NDST3: variants seen among roughly 807,000 people sequenced by gnomAD.
NDST3 encodes the protein bifunctional heparan sulfate N-deacetylase/N-sulfotransferase 3.
Under a neutral mutation model 96.1 loss-of-function variants are expected in NDST3, and 58 were observed. The ratio of observed to expected loss-of-function variants is 0.60; its 90% CI spans 0.49 to 0.75. The LOEUF (loss-of-function observed/expected upper bound fraction) is 0.75, where lower values mean the gene tolerates loss of function less well. NDST3 is among the 30% of genes least tolerant of loss of function. NDST3 has a pLI of 0.00. For missense variants in NDST3, 788 were observed against 1,034.2 expected (o/e 0.76, Z 3.27); for synonymous variants, 333 against 359.7 (o/e 0.93, Z 0.84).
At chr4:118,080,199 G>A (rs1163666898) in intron 2 of NDST3, among the ~76,000 whole-genome samples, 3 of 152,014 alleles carry the variant, frequency 2.0e-5, no homozygotes, top group Non-Finnish European at 4.4e-5. Flanking sequence ...TATTATTAAC[G>A]GGATGGGGAG....
chr4:118,061,070 G>C (rs1725855101), intron 2 of NDST3, among the ~76,000 whole-genome samples: 1 of 152,038 alleles, frequency 6.6e-6, no homozygotes, highest in South Asian at 2.1e-4. Flanking sequence ...TTTTGATCAT[G>C]ACCCCCCTCT....
chr4:118,201,276 T>C (rs1383530797), intron 6 of NDST3, among the ~76,000 whole-genome samples: 2 of 152,232 alleles, frequency 1.3e-5, no homozygotes, highest in Non-Finnish European at 2.9e-5. Context: ...GGTAGAATGA[T>C]TTATTTTCTT....
intron 6 of NDST3, among the ~76,000 whole-genome samples, chr4:118,153,324 C>T (rs946004189): frequency 6.6e-6 from 1 of 152,060 alleles, no homozygotes; most frequent in Non-Finnish European, 1.5e-5. Context: ...TTTGTTTACT[C>T]TAAACCTCAA....
intron 2 of NDST3, among the ~76,000 whole-genome samples, chr4:118,071,826 T>C (rs1210532782): frequency 6.6e-6 from 1 of 152,134 alleles, no homozygotes; most frequent in Non-Finnish European, 1.5e-5. Context: ...ATTTGAGAAA[T>C]TGCCAAACTG....
chr4:118,108,981 T>C (rs1456332512), intron 3 of NDST3, among the ~76,000 whole-genome samples: 1 of 152,248 alleles, frequency 6.6e-6, no homozygotes, highest in Non-Finnish European at 1.5e-5. Flanking sequence ...CATAATTAGA[T>C]ATCTATTTTA....
At chr4:118,226,427 A>G (rs1739884855) in intron 7 of NDST3, among the ~76,000 whole-genome samples, 1 of 152,202 alleles carries the variant, frequency 6.6e-6, no homozygotes, top group Non-Finnish European at 1.5e-5. Flanking sequence ...CTCTTTAGAT[A>G]GTAGTATTTT....
intron 6 of NDST3, among the ~76,000 whole-genome samples, chr4:118,158,422 A>C (rs1308194253): frequency 1.3e-5 from 2 of 152,164 alleles, no homozygotes; most frequent in African/African-American, 2.4e-5. Context: ...TTTTAGCATG[A>C]AAAAAATGGA....
At chr4:118,077,136 T>C (rs568974122) in intron 2 of NDST3, among the ~76,000 whole-genome samples, 1 of 152,320 alleles carries the variant, frequency 6.6e-6, no homozygotes, top group South Asian at 2.1e-4. Flanking sequence ...ATCTGGCCTC[T>C]TGAGGTAAGG....
intron 3 of NDST3, among the ~76,000 whole-genome samples, chr4:118,112,121 A>G (rs758659040): frequency 6.6e-6 from 1 of 151,622 alleles, no homozygotes; most frequent in African/African-American, 2.4e-5. Context: ...AACTGAGATA[A>G]ATATGTCAGA....
At chr4:118,206,996 CAT>C (rs147498086) in intron 6 of NDST3, among the ~76,000 whole-genome samples, 2 of 141,630 alleles carry the variant, frequency 1.4e-5, no homozygotes, top group Non-Finnish European at 1.6e-5. Flanking sequence ...AGAATTACAG[CAT>C]ATATATATAT....
rs1166890726 is a variant in NDST3 at position 118,257,702 on chromosome 4, C to CAT, written c.*1993_*1994dup. 3 of 152,064 alleles carry CAT rather than the reference C, an allele frequency of 2.0e-5. No individual in the cohort carries two copies. In the East Asian group the frequency reaches 5.8e-4, roughly 29 times the overall value. 9.4% of individuals were successfully genotyped at this position (152,064 alleles called of 1,614,324 possible). ...TTTTTAAAGTTTCATGTACCTAAAG[C>CAT]ATATGCTAATTTTTAAATATACTAT... is the stretch of plus-strand genomic sequence containing the variant. On this transcript the variant is annotated 3_prime_UTR_variant, in exon 14 of 14. Transcript: ENST00000296499.
chr4:118,250,448 C>T (rs944394641), intron 12 of NDST3, among the ~76,000 whole-genome samples: 4 of 151,480 alleles, frequency 2.6e-5, no homozygotes, highest in Non-Finnish European at 5.9e-5. Context: ...TGTTCATTGA[C>T]CATTCATATG....
At chr4:118,160,823 CT>C in intron 6 of NDST3, among the ~76,000 whole-genome samples, 1 of 152,084 alleles carries the variant, frequency 6.6e-6, no homozygotes, top group Non-Finnish European at 1.5e-5. Flanking sequence ...GAATTTCCTC[CT>C]GTAGCTCGGA....
At chr4:118,193,306 T>A (rs1431385608) in intron 6 of NDST3, 2 of 397,522 alleles carry the variant, frequency 5.0e-6, no homozygotes, top group Non-Finnish European at 9.2e-6. Flanking sequence ...AAAATAAAGG[T>A]CTAATTCACT....
At chr4:118,243,988 G>A (rs76554952) in intron 12 of NDST3, among the ~76,000 whole-genome samples, 17,320 of 152,214 alleles carry the variant, frequency 0.11, 1,331 homozygotes, top group South Asian at 0.19. Context: ...CTCTAACCTG[G>A]TTGGGGGCTC....
At chr4:118,068,421 T>A (rs1726776256) in intron 2 of NDST3, among the ~76,000 whole-genome samples, 1 of 152,150 alleles carries the variant, frequency 6.6e-6, no homozygotes, top group South Asian at 2.1e-4. Context: ...AAGAAATGGT[T>A]CAAGAATTCG....
At chr4:118,236,962 AT>A in intron 9 of NDST3, 83 bp from the exon 10 acceptor site, 3 of 1,066,072 alleles carry the variant, frequency 2.8e-6, no homozygotes, top group Non-Finnish European at 3.8e-6. Context: ...AAACACATGA[AT>A]TTGTGGGACA....
Position 118,034,549 on chromosome 4 carries a change from T to C in NDST3, c.-199T>C, listed in dbSNP as rs138458711. 3.3e-5 allele frequency: 5 copies of C among 152,324 alleles called. No individual in the cohort carries two copies. The highest frequency in any genetic ancestry group is 2.6e-4 in the Admixed American group (4 of 15,304). The allele number at this position is 152,324 out of a possible 1,614,324, so 9.4% of individuals were successfully genotyped here. ...ACTGTTTCCGTTTCTTTTCCATCTA[T>C]TGCAACTTTCTCAAGCATTTTCAGC... On this transcript the variant is annotated 5_prime_UTR_variant, in exon 1 of 14. Transcript: ENST00000296499.
intron 4 of NDST3, among the ~76,000 whole-genome samples, chr4:118,122,862 T>G (rs958860863): frequency 6.6e-6 from 1 of 152,162 alleles, no homozygotes; most frequent in African/African-American, 2.4e-5. Context: ...CTTATTCTCG[T>G]ATTGAAAATG....
Sources: gnomAD v4.1 joint callset for allele counts (sites outside exome capture counted in the v4.1 genomes callset) on GRCh38, gnomAD v4.1.1 for gene constraint, MANE v1.5 for transcripts, NCBI Gene and HGNC (gene_info 2026-07-23, HGNC 2026-07-21) for gene names.